Variants in HAVCR1 observed in about 807,000 individuals in gnomAD.
The protein encoded by HAVCR1 is hepatitis A virus cellular receptor 1.
A neutral mutation model predicts 32.0 loss-of-function variants in HAVCR1; 34 were observed. The observed-to-expected ratio is 1.06, with a 90% confidence interval of 0.81 to 1.42. The LOEUF is 1.42. Among genes scored for constraint, HAVCR1 ranks in the 40% most tolerant of loss-of-function variants. The pLI is 0.00. For missense variants in HAVCR1, 420 were observed against 442.3 expected, an observed-to-expected ratio of 0.95 and a Z score of 0.45; for synonymous variants, 178 against 170.3, an observed-to-expected ratio of 1.05 and a Z score of -0.35.
chr5:157,034,408 G>A (rs1188362253), intron 7 of HAVCR1, among the ~76,000 whole-genome samples: 1 of 151,968 alleles, frequency 6.6e-6, no homozygotes, highest in Non-Finnish European at 1.5e-5. Flanking sequence ...CCCACCTCCA[G>A]CCATAAGGCA....
At chr5:157,063,256 C>T (rs530958897), upstream of HAVCR1, among the ~76,000 whole-genome samples, 1 of 151,834 alleles carries the variant, frequency 6.6e-6, no homozygotes, top group Admixed American at 6.6e-5. Context: ...TACCAATGAA[C>T]CAAAGACCCC....
At position 157,055,273 on chromosome 5, in the gene HAVCR1, A is replaced by G; in HGVS notation, c.307T>C (p.Tyr103His). The change falls in exon 3 of 9, where the codon TAT becomes CAT. Residue 103 changes from tyrosine to histidine, a missense_variant. Physicochemically the swap from Tyr to His is moderately conservative, Grantham distance 83. Coordinates refer to ENST00000523175, the MANE Select transcript of HAVCR1 (RefSeq NM_001173393.3). ...CCACGGTGCTCAACACGGCAACAAT[A>G]TACGCCACTGTCAGACACAGCTGTA... is the stretch of plus-strand genomic sequence containing the variant. ...ENTAVSDSGV[Y>H]CCRVEHRGWF... 6.2e-7 allele frequency: 1 copy of G among 1,613,154 alleles called. No homozygotes were observed.
intron 6 of HAVCR1, among the ~76,000 whole-genome samples, chr5:157,038,358 C>T (rs114890596): frequency 1.1e-3 from 160 of 152,194 alleles, no homozygotes; most frequent in African/African-American, 3.7e-3. Context: ...GAGAGCCCAC[C>T]GGGAAGGTAT....
At chr5:157,062,242 G>A (rs1460225950), upstream of HAVCR1, among the ~76,000 whole-genome samples, 4 of 152,132 alleles carry the variant, frequency 2.6e-5, no homozygotes, top group Non-Finnish European at 4.4e-5. Context: ...GCACGGTGGT[G>A]GGTGCCTGTA....
chr5:157,037,651 G>C (rs745690015), intron 6 of HAVCR1, among the ~76,000 whole-genome samples: 1 of 152,148 alleles, frequency 6.6e-6, no homozygotes, highest in Admixed American at 6.5e-5. Context: ...CTTAAAATGG[G>C]TTTGTATGTA....
chr5:157,033,909 C>T (rs535897821), intron 7 of HAVCR1, among the ~76,000 whole-genome samples: 1 of 152,150 alleles, frequency 6.6e-6, no homozygotes, highest in South Asian at 2.1e-4. Flanking sequence ...GAAAATCATT[C>T]GGGTGTGGTG....
In HAVCR1 at chr5:157,037,124, A is replaced by T. The variant is rs1754582316; in HGVS notation, c.952+123T>A. On this transcript the variant is annotated intron_variant, in intron 7 of 8. Coordinates refer to ENST00000523175, the MANE Select transcript of HAVCR1 (RefSeq NM_001173393.3). ...TATTACCATGTGACTTTTACAAATG[A>T]GGATTTGGGGAGACAAAGGGAAGTC... The T allele has an allele frequency of 7.1e-6, 5 of 701,412 alleles. No homozygotes were observed. In the South Asian group the frequency reaches 8.2e-5, roughly 11 times the overall value. 43.4% of individuals were successfully genotyped at this position (701,412 alleles called of 1,614,324 possible).
At chr5:157,048,785 G>A (rs1031621228) in intron 5 of HAVCR1, among the ~76,000 whole-genome samples, 8 of 151,978 alleles carry the variant, frequency 5.3e-5, no homozygotes, top group Non-Finnish European at 1.2e-4. Context: ...AGCCGAGATC[G>A]TGCCACTGCA....
chr5:157,065,854 C>A, the HAVCR1 span, among the ~76,000 whole-genome samples: 5 of 142,038 alleles, frequency 3.5e-5, no homozygotes, highest in African/African-American at 2.6e-5. Flanking sequence ...GACTCCGTCT[C>A]AAAAAAAAAA....
chr5:157,029,981 A>C (rs1581667399), intron 8 of HAVCR1, 140 bp from the exon 9 acceptor site: 2 of 634,006 alleles, frequency 3.2e-6, no homozygotes, highest in East Asian at 5.5e-5. Context: ...AAAGTATAAA[A>C]TAAATAGTGC....
chr5:157,052,218 G>T, intron 4 of HAVCR1, 143 bp downstream of exon 4: 1 of 695,552 alleles, frequency 1.4e-6, no homozygotes, highest in Non-Finnish European at 2.5e-6. Flanking sequence ...AGTTGGGGAG[G>T]ATCACAAACC....
rs1175523729 is a variant in HAVCR1 at position 157,035,048 on chromosome 5, C to CA, written c.953-2162dup. Among the ~76,000 whole-genome samples, 380 of 149,152 alleles carry CA rather than the reference C, an allele frequency of 2.5e-3. 3 individuals are homozygous for CA. The highest frequency in any genetic ancestry group is 8.9e-3 in the African/African-American group (363 of 40,694). On this transcript the variant is annotated intron_variant, in intron 7 of 8. Coordinates refer to ENST00000523175, the MANE Select transcript of HAVCR1 (RefSeq NM_001173393.3). Reference sequence around the variant, plus strand: ...GTGACAGAGCAAGAGACTCTGTCTCCAAAAAAAAAGAAAGAAAAGGGTATT... The same window carrying CA: ...GTGACAGAGCAAGAGACTCTGTCTCCAAAAAAAAAAGAAAGAAAAGGGTATT...
the HAVCR1 span, among the ~76,000 whole-genome samples, chr5:157,068,164 C>G: frequency 8.3e-4 from 127 of 152,276 alleles, no homozygotes; most frequent in African/African-American, 2.9e-3. Context: ...GTCCCAACTA[C>G]TCAGGAGGCT....
chr5:157,065,273 C>T, the HAVCR1 span, among the ~76,000 whole-genome samples: 3 of 150,966 alleles, frequency 2.0e-5, no homozygotes, highest in South Asian at 2.1e-4. Flanking sequence ...GAGCTGAGAT[C>T]GCGCCACTGC....
chr5:157,044,676 A>AGAAAGGAAGGAAGGAGGGAG (rs142603344), intron 5 of HAVCR1, among the ~76,000 whole-genome samples: 1 of 109,454 alleles, frequency 9.1e-6, no homozygotes, highest in East Asian at 3.5e-4. Context: ...AAAGAAAGAA[A>AGAAAGGAAGGAAGGAGGGAG]GGAGGGAGGG....
rs1429744767 is a variant in HAVCR1, at chr5:157,029,923, T to G, written c.987-82A>C. ...CACATATAAGCTGCACTTTTGTTTATGATCAGGCAATATCAGGTATTCGAG... is the reference window on the plus strand; with the variant it reads ...CACATATAAGCTGCACTTTTGTTTAGGATCAGGCAATATCAGGTATTCGAG... On this transcript the variant is annotated intron_variant, in intron 8 of 8. Coordinates refer to ENST00000523175, the MANE Select transcript of HAVCR1 (RefSeq NM_001173393.3). 31 of 1,174,186 alleles carry G rather than the reference T, an allele frequency of 2.6e-5. No homozygotes were observed. The East Asian group carries it at 7.7e-4, about 29-fold the overall frequency. 72.7% of individuals were successfully genotyped at this position (1,174,186 alleles called of 1,614,324 possible).
upstream of HAVCR1, among the ~76,000 whole-genome samples, chr5:157,060,397 C>CTG (rs906469035): frequency 6.6e-6 from 1 of 152,094 alleles, no homozygotes; most frequent in African/African-American, 2.4e-5. Context: ...TTTTCCGTGG[C>CTG]TGTGTTCTCC....
At chr5:157,055,735 A>G (rs1386206061) in intron 2 of HAVCR1, among the ~76,000 whole-genome samples, 3 of 151,812 alleles carry the variant, frequency 2.0e-5, no homozygotes, top group East Asian at 2.0e-4. Context: ...AGCGGGGTGT[A>G]GTGGTGTAAT....
intron 5 of HAVCR1, among the ~76,000 whole-genome samples, chr5:157,045,822 T>C (rs1755363298): frequency 6.6e-6 from 1 of 152,120 alleles, no homozygotes; most frequent in Non-Finnish European, 1.5e-5. Flanking sequence ...ACGGCCAAAA[T>C]GGCAGCAGCC....
Sources: allele counts gnomAD v4.1 joint callset (sites outside exome capture counted in the v4.1 genomes callset), GRCh38; gene constraint gnomAD v4.1.1; transcripts MANE v1.5; gene names NCBI Gene and HGNC (gene_info 2026-07-23, HGNC 2026-07-21).